FMN1: variants seen among roughly 807,000 people sequenced by gnomAD.
FMN1 encodes the protein formin-1.
Under a neutral mutation model 132.4 loss-of-function variants are expected in FMN1, and 110 were observed. The observed-to-expected ratio is 0.83, with a 90% confidence interval of 0.71 to 0.97. The LOEUF (loss-of-function observed/expected upper bound fraction) is 0.97. Ranked by LOEUF, FMN1 falls within the 50% of genes least tolerant of loss-of-function variation. The pLI, the probability that FMN1 is intolerant of heterozygous loss-of-function variation, is 0.00. For missense variants in FMN1, 1,792 were observed against 1,705.3 expected (o/e 1.05, Z -0.90); for synonymous variants, 722 against 651.7 (o/e 1.11, Z -1.64).
intron 15 of FMN1, among the ~76,000 whole-genome samples, chr15:32,890,271 C>T (rs1048250989): frequency 2.0e-5 from 3 of 150,864 alleles, no homozygotes; most frequent in Admixed American, 1.3e-4. Context: ...GACTTCTTTT[C>T]CTCTGGATAG....
intron 9 of FMN1, among the ~76,000 whole-genome samples, chr15:32,946,307 C>G (rs141321160): frequency 2.6e-5 from 4 of 152,196 alleles, no homozygotes; most frequent in African/African-American, 9.6e-5. Flanking sequence ...AAAAAACCTA[C>G]CCACTGCCAT....
chr15:32,809,975 C>T lies in FMN1; in HGVS notation c.3929-5643G>A, dbSNP rs531178381. Among the ~76,000 whole-genome samples the T allele has an allele frequency of 8.6e-4, 130 of 151,970 alleles. No individual in the cohort carries two copies. The South Asian group carries it at 0.024, about 28-fold the overall frequency. On this transcript the variant is annotated intron_variant, in intron 17 of 20. Transcript: ENST00000616417. ...TGTTCTTTCACCCAGGCTGGAGTGC[C>T]GTGATGCAATCTCAGCTCACTGCAA...
intron 4 of FMN1, among the ~76,000 whole-genome samples, chr15:33,148,852 A>G (rs1964333136): frequency 6.6e-6 from 1 of 151,994 alleles, no homozygotes; most frequent in South Asian, 2.1e-4. Context: ...ACAGGTCTCT[A>G]ACAACCTACA....
At chr15:33,110,980 G>A (rs1412018703) in intron 4 of FMN1, among the ~76,000 whole-genome samples, 1 of 152,066 alleles carries the variant, frequency 6.6e-6, no homozygotes, top group Non-Finnish European at 1.5e-5. Flanking sequence ...CCGAGTAAAT[G>A]AGTTAACACA....
chr15:33,137,801 T>C (rs775870590), intron 4 of FMN1, among the ~76,000 whole-genome samples: 3 of 152,138 alleles, frequency 2.0e-5, no homozygotes, highest in Non-Finnish European at 4.4e-5. Flanking sequence ...GCCCAACAAA[T>C]TGCCCTTCTG....
intron 9 of FMN1, among the ~76,000 whole-genome samples, chr15:32,948,394 C>T (rs1412589254): frequency 6.6e-6 from 1 of 151,602 alleles, no homozygotes; most frequent in African/African-American, 2.4e-5. Context: ...TTACTTCTGC[C>T]CTTGTCTGGT....
intron 7 of FMN1, among the ~76,000 whole-genome samples, chr15:32,974,588 A>T (rs1238809331): frequency 6.6e-6 from 1 of 152,186 alleles, no homozygotes; most frequent in Non-Finnish European, 1.5e-5. Flanking sequence ...TTTGTGGATG[A>T]CACTGGTGCT....
At chr15:32,973,364 C>A (rs1015933513) in intron 7 of FMN1, among the ~76,000 whole-genome samples, 6 of 152,136 alleles carry the variant, frequency 3.9e-5, no homozygotes, top group Admixed American at 2.6e-4. Context: ...TCTTCCAATA[C>A]CCTTCCTCTG....
intron 17 of FMN1, among the ~76,000 whole-genome samples, chr15:32,854,242 A>G (rs928914687): frequency 6.6e-6 from 1 of 152,194 alleles, no homozygotes. Flanking sequence ...CCCTCATAAG[A>G]CATCTCAGTT....
At chr15:33,116,186 G>A (rs75833178) in intron 4 of FMN1, among the ~76,000 whole-genome samples, 4 of 152,146 alleles carry the variant, frequency 2.6e-5, no homozygotes, top group Non-Finnish European at 5.9e-5. Flanking sequence ...ACAGAAAAAA[G>A]ATGTAAACGT....
intron 5 of FMN1, among the ~76,000 whole-genome samples, chr15:33,076,718 G>C (rs2038226327): frequency 1.3e-5 from 2 of 152,088 alleles, no homozygotes; most frequent in African/African-American, 4.8e-5. Flanking sequence ...ATTTGCACTG[G>C]ATCCATCTGA....
intron 17 of FMN1, among the ~76,000 whole-genome samples, chr15:32,820,510 C>T (rs1354634530): frequency 1.3e-5 from 2 of 150,814 alleles, no homozygotes; most frequent in African/African-American, 5.0e-5. Flanking sequence ...CCTCTGTCTC[C>T]CCCAACACAT....
At chr15:33,181,492 C>T (rs904316206) in intron 2 of FMN1, among the ~76,000 whole-genome samples, 4 of 152,104 alleles carry the variant, frequency 2.6e-5, no homozygotes, top group African/African-American at 7.2e-5. Context: ...ACTTTCTGCC[C>T]GATGGCTTTC....
At chr15:32,863,039 A>T (rs866942153) in intron 16 of FMN1, among the ~76,000 whole-genome samples, 21 of 152,218 alleles carry the variant, frequency 1.4e-4, no homozygotes, top group Non-Finnish European at 2.2e-4. Flanking sequence ...ACTAAAGCAA[A>T]TTCTTGTATT....
intron 5 of FMN1, among the ~76,000 whole-genome samples, chr15:33,084,641 GT>G (rs987179126): frequency 2.4e-4 from 37 of 152,130 alleles, no homozygotes; most frequent in Non-Finnish European, 4.4e-5. Flanking sequence ...TTGTTTGTTT[GT>G]TTGTTTTCAT....
intron 17 of FMN1, chr15:32,811,007 C>T (rs1302585171): frequency 1.8e-5 from 8 of 456,230 alleles, no homozygotes; most frequent in African/African-American, 1.4e-4. Flanking sequence ...GTGAGTGTGG[C>T]AATCGTTTTC....
chr15:33,050,237 G>C (rs2036906460), intron 6 of FMN1, among the ~76,000 whole-genome samples: 1 of 152,258 alleles, frequency 6.6e-6, no homozygotes, highest in African/African-American at 2.4e-5. Context: ...TGTAAGTCAA[G>C]AAGCATCTGT....
At chr15:32,782,155 G>GGT (rs1303369992) in intron 19 of FMN1, among the ~76,000 whole-genome samples, 2 of 152,120 alleles carry the variant, frequency 1.3e-5, no homozygotes, top group Non-Finnish European at 2.9e-5. Flanking sequence ...GAACTGAGTA[G>GGT]GTGTCTTATT....
At chr15:33,040,735 T>G (rs1044126160) in intron 6 of FMN1, among the ~76,000 whole-genome samples, 3 of 152,244 alleles carry the variant, frequency 2.0e-5, no homozygotes, top group Non-Finnish European at 2.9e-5. Flanking sequence ...AGCCATGCTA[T>G]GTAGCTCAAC....
Sources: allele counts gnomAD v4.1 joint callset (sites outside exome capture counted in the v4.1 genomes callset), GRCh38; gene constraint gnomAD v4.1.1; transcripts MANE v1.5; gene names NCBI Gene and HGNC (gene_info 2026-07-23, HGNC 2026-07-21).